The following JAKMIP1 variants were observed in gnomAD, a reference collection of about 807,000 sequenced individuals.
JAKMIP1 encodes the protein janus kinase and microtubule-interacting protein 1.
JAKMIP1 carries 33 observed loss-of-function variants against 113.0 expected under a neutral mutation model. The ratio of observed to expected loss-of-function variants is 0.29; its 90% CI spans 0.22 to 0.39. The LOEUF (loss-of-function observed/expected upper bound fraction) is 0.39. JAKMIP1 is among the 10% of genes least tolerant of loss of function. JAKMIP1 has a pLI of 1.00. For missense variants in JAKMIP1, 813 were observed against 1,080.5 expected (o/e 0.75, Z 3.47); for synonymous variants, 480 against 459.9 (o/e 1.04, Z -0.56).
chr4:6,126,935 T>A (rs751001279), intron 1 of JAKMIP1, among the ~76,000 whole-genome samples: 2 of 149,652 alleles, frequency 1.3e-5, no homozygotes, highest in Non-Finnish European at 3.0e-5. Flanking sequence ...ATACACATCA[T>A]ACACAAACAT....
At chr4:6,195,755 G>A (rs13150977) in intron 1 of JAKMIP1, among the ~76,000 whole-genome samples, 69,365 of 152,026 alleles carry the variant, frequency 0.46, 16,953 homozygotes, top group East Asian at 0.61. Flanking sequence ...TCAGACCAGG[G>A]ACAGCACAGA....
rs940507548 is a variant in JAKMIP1, at chr4:6,065,153, G to A, written c.1303-145C>T. The A allele has an allele frequency of 4.6e-5, 46 of 996,536 alleles. 1 individual carries two copies. The highest frequency in any genetic ancestry group is 3.8e-4 in the African/African-American group (24 of 63,118). 61.7% of individuals were successfully genotyped at this position (996,536 alleles called of 1,614,324 possible). On this transcript the variant is annotated intron_variant, in intron 8 of 20. Coordinates refer to ENST00000409021, the MANE Select transcript of JAKMIP1 (RefSeq NM_001099433.2). This position sits in a 1 kb window ranked among gnomAD's most constrained non-coding sequence, Gnocchi z 5.1. ...TCACAAGATGCGGTTGGTGGGCTTC[G>A]TAACTGACTGGGTGGGATAAAAGGT... is the stretch of plus-strand genomic sequence containing the variant.
chr4:6,034,616 A>T (rs1713164415), intron 19 of JAKMIP1, among the ~76,000 whole-genome samples: 1 of 152,322 alleles, frequency 6.6e-6, no homozygotes, highest in South Asian at 2.1e-4. Flanking sequence ...AGCCTGGCCA[A>T]CATGGAGAAA....
At position 6,158,826 on chromosome 4, in the gene JAKMIP1, C is replaced by T. The variant is rs1190223117; in HGVS notation, c.-148+41427G>A. 6.6e-6 allele frequency among the ~76,000 whole-genome samples: 1 copy of T among 152,168 alleles called. No individual in the cohort carries two copies. Among genetic ancestry groups the T allele is most frequent in the African/African-American group, 2.4e-5 (1 of 41,420 alleles). On this transcript the variant is annotated intron_variant, in intron 1 of 20. Transcript: ENST00000409021. This position sits in a 1 kb window ranked among gnomAD's most constrained non-coding sequence, Gnocchi z 5.3. ...ATACTGGGCCGGGCGTGGTGACTCA[C>T]ACCTGTAATCTCATCACTTTGGGAG...
chr4:6,082,381 A>G (rs1476761075), intron 5 of JAKMIP1, among the ~76,000 whole-genome samples: 1 of 151,878 alleles, frequency 6.6e-6, no homozygotes, highest in Non-Finnish European at 1.5e-5. Context: ...CGCCCCCCCA[A>G]AAAAATGCCA....
chr4:6,043,695 C>A (rs1163092997), intron 16 of JAKMIP1, among the ~76,000 whole-genome samples: 1 of 142,836 alleles, frequency 7.0e-6, no homozygotes, highest in Non-Finnish European at 1.5e-5. Context: ...ACCCCCCATT[C>A]CCCTTTCAGC....
intron 11 of JAKMIP1, 129 bp from the exon 12 acceptor site, chr4:6,056,888 A>T: frequency 1.3e-4 from 81 of 623,428 alleles, no homozygotes; most frequent in Non-Finnish European, 1.9e-4. Flanking sequence ...GACAGCCGTG[A>T]TGTGCCCTCA....
At chr4:6,160,041 G>A (rs145178374) in intron 1 of JAKMIP1, among the ~76,000 whole-genome samples, 1 of 152,274 alleles carries the variant, frequency 6.6e-6, no homozygotes, top group Non-Finnish European at 1.5e-5. Context: ...CCTTTTGGGA[G>A]TAAGGGAATC....
rs1484006458 is a variant in JAKMIP1 at position 6,186,221 on chromosome 4, G to A, written c.-148+14032C>T. Among the ~76,000 whole-genome samples, 1 of 152,226 alleles carries A rather than the reference G, an allele frequency of 6.6e-6. No individual in the cohort carries two copies. The highest frequency in any genetic ancestry group is 1.5e-5 in the Non-Finnish European group (1 of 68,044). On this transcript the variant is annotated intron_variant, in intron 1 of 20. Transcript: ENST00000409021. The surrounding 1 kb of genome is among the most constrained non-coding windows in gnomAD (Gnocchi z 5.5). Reference sequence around the variant, plus strand: ...CTTGCCAGGGGCAGGTCAGGCGGATGGGCAGGATGCAGACTGAGGAGGCAC... The same window carrying A: ...CTTGCCAGGGGCAGGTCAGGCGGATAGGCAGGATGCAGACTGAGGAGGCAC...
chr4:6,174,542 G>A (rs1438166933), intron 1 of JAKMIP1, among the ~76,000 whole-genome samples: 3 of 152,268 alleles, frequency 2.0e-5, no homozygotes, highest in East Asian at 1.9e-4. Flanking sequence ...GCACCAGAGC[G>A]AACCAGGGTG....
chr4:6,115,342 G>A (rs1049786918), intron 1 of JAKMIP1, among the ~76,000 whole-genome samples: 2 of 152,138 alleles, frequency 1.3e-5, no homozygotes, highest in Admixed American at 6.5e-5. Flanking sequence ...CCTGGGAGGC[G>A]GAAGTTGCAG....
chr4:6,115,621 T>C (rs1292736524), intron 1 of JAKMIP1, among the ~76,000 whole-genome samples: 3 of 152,214 alleles, frequency 2.0e-5, no homozygotes, highest in African/African-American at 7.2e-5. Context: ...TTATAGGTGA[T>C]ATCTATTCTC....
At chr4:6,119,637 G>A (rs1716411039) in intron 1 of JAKMIP1, among the ~76,000 whole-genome samples, 1 of 152,134 alleles carries the variant, frequency 6.6e-6, no homozygotes, top group African/African-American at 2.4e-5. Context: ...CAGCTCCTCA[G>A]AACACGAGTC....
rs1487812553 is a variant in JAKMIP1, at chr4:6,183,343, G to T, written c.-148+16910C>A. Among the ~76,000 whole-genome samples, 2 of 151,974 alleles carry T rather than the reference G, an allele frequency of 1.3e-5. No homozygotes were observed. Among genetic ancestry groups the T allele is most frequent in the African/African-American group, 4.8e-5 (2 of 41,366 alleles). ...AAAATACAAAAATTAGCCGGGCTTGGTGGCGGGTGCCTGTAATACCAACTA... is the reference window on the plus strand; with the variant it reads ...AAAATACAAAAATTAGCCGGGCTTGTTGGCGGGTGCCTGTAATACCAACTA... On this transcript the variant is annotated intron_variant, in intron 1 of 20. Transcript: ENST00000409021. The surrounding 1 kb of genome is among the most constrained non-coding windows in gnomAD (Gnocchi z 5.3).
chr4:6,099,933 C>T (rs1485210451), intron 3 of JAKMIP1, among the ~76,000 whole-genome samples: 1 of 152,188 alleles, frequency 6.6e-6, no homozygotes, highest in Non-Finnish European at 1.5e-5. Context: ...CACGTCCTTG[C>T]CATTTCTCAG....
intron 1 of JAKMIP1, among the ~76,000 whole-genome samples, chr4:6,182,193 G>A (rs1371027910): frequency 6.6e-6 from 1 of 151,884 alleles, no homozygotes; most frequent in Admixed American, 6.6e-5. Context: ...AAGGTGGATT[G>A]CTTGAGCTCA....
At chr4:6,074,400 A>C (rs190322619) in intron 8 of JAKMIP1, among the ~76,000 whole-genome samples, 2 of 152,318 alleles carry the variant, frequency 1.3e-5, no homozygotes, top group Admixed American at 6.5e-5. Context: ...AGATTTCTGG[A>C]AAGTTCTGGA....
intron 19 of JAKMIP1, among the ~76,000 whole-genome samples, chr4:6,032,690 AACAAAAC>A (rs905679852): frequency 6.6e-6 from 1 of 152,026 alleles, no homozygotes; most frequent in Non-Finnish European, 1.5e-5. Context: ...AACAAAACAA[AACAAAAC>A]AAAGCAAAAC....
At chr4:6,159,479 T>C (rs1004861335) in intron 1 of JAKMIP1, among the ~76,000 whole-genome samples, 1 of 151,616 alleles carries the variant, frequency 6.6e-6, no homozygotes, top group Non-Finnish European at 1.5e-5. Context: ...ATTAAGAGGT[T>C]TCAGAAGTCA....
Sources: gnomAD v4.1 joint callset for allele counts (sites outside exome capture counted in the v4.1 genomes callset) on GRCh38, gnomAD v4.1.1 for gene constraint, Gnocchi (gnomAD v3.1) non-coding constraint, MANE v1.5 for transcripts, NCBI Gene and HGNC (gene_info 2026-07-23, HGNC 2026-07-21) for gene names.